GLIS3: variants seen among roughly 807,000 people sequenced by gnomAD.
The protein encoded by GLIS3 is zinc finger protein GLIS3.
GLIS3 carries 53 observed loss-of-function variants against 78.6 expected under a neutral mutation model. The ratio of observed to expected loss-of-function variants is 0.67; its 90% CI spans 0.54 to 0.85. The LOEUF is 0.85. Ranked by LOEUF, GLIS3 falls within the 40% of genes least tolerant of loss-of-function variation. The pLI, the probability that GLIS3 is intolerant of heterozygous loss-of-function variation, is 0.00. For missense variants in GLIS3, 1,703 were observed against 1,231.1 expected, an observed-to-expected ratio of 1.38 and a Z score of -5.74; for synonymous variants, 684 against 509.9, an observed-to-expected ratio of 1.34 and a Z score of -4.60.
intron 4 of GLIS3, among the ~76,000 whole-genome samples, chr9:4,084,226 G>A (rs923170491): frequency 3.4e-5 from 5 of 147,052 alleles, no homozygotes; most frequent in Admixed American, 2.8e-4. Flanking sequence ...CCAGCAATGT[G>A]TAATCTCTCT....
the GLIS3 span, among the ~76,000 whole-genome samples, chr9:4,383,736 AC>A: frequency 1.3e-5 from 2 of 152,232 alleles, no homozygotes; most frequent in Non-Finnish European, 2.9e-5. Flanking sequence ...CTCCATTTGA[AC>A]ATTTACTTCC....
At chr9:4,160,521 G>A (rs538984960) in intron 2 of GLIS3, among the ~76,000 whole-genome samples, 5 of 152,316 alleles carry the variant, frequency 3.3e-5, no homozygotes, top group African/African-American at 7.2e-5. Flanking sequence ...TGCGATACAG[G>A]CCTTACTGCC....
At chr9:4,012,165 A>G (rs1822069466) in intron 4 of GLIS3, among the ~76,000 whole-genome samples, 1 of 152,206 alleles carries the variant, frequency 6.6e-6, no homozygotes, top group African/African-American at 2.4e-5. Context: ...TTACCTCTTC[A>G]TACCTACTCA....
At chr9:4,159,337 A>T (rs1835294658) in intron 2 of GLIS3, among the ~76,000 whole-genome samples, 1 of 152,202 alleles carries the variant, frequency 6.6e-6, no homozygotes, top group African/African-American at 2.4e-5. Context: ...AATACGGATG[A>T]TCATGTTCTA....
chr9:4,385,178 G>A, the GLIS3 span, among the ~76,000 whole-genome samples: 1 of 152,200 alleles, frequency 6.6e-6, no homozygotes. Flanking sequence ...CAGTGTGCCT[G>A]CAGGACTGTT....
chr9:4,303,740 T>C (rs1163932452), upstream of GLIS3, among the ~76,000 whole-genome samples: 1 of 152,234 alleles, frequency 6.6e-6, no homozygotes, highest in East Asian at 1.9e-4. Flanking sequence ...TCCTTTTTTA[T>C]ACAAACCAAG....
At chr9:4,251,847 T>C (rs1824424021) in intron 2 of GLIS3, among the ~76,000 whole-genome samples, 1 of 152,232 alleles carries the variant, frequency 6.6e-6, no homozygotes, top group South Asian at 2.1e-4. Flanking sequence ...AGGATTTTAT[T>C]TCTCCTTCAC....
At chr9:3,945,315 T>C (rs1197955238) in intron 4 of GLIS3, among the ~76,000 whole-genome samples, 1 of 152,192 alleles carries the variant, frequency 6.6e-6, no homozygotes, top group East Asian at 1.9e-4. Context: ...ATAAAAGCAG[T>C]GCTCAGATGT....
the GLIS3 span, among the ~76,000 whole-genome samples, chr9:4,488,123 G>GGTTT: frequency 6.6e-6 from 1 of 151,800 alleles, no homozygotes; most frequent in Non-Finnish European, 1.5e-5. Context: ...TTGGTTGGTC[G>GGTTT]GTTTAGTTTT....
chr9:4,417,222 G>C, the GLIS3 span, among the ~76,000 whole-genome samples: 1 of 152,160 alleles, frequency 6.6e-6, no homozygotes, highest in African/African-American at 2.4e-5. Context: ...CAGTAGTTAA[G>C]TTTGTGATTT....
intron 2 of GLIS3, among the ~76,000 whole-genome samples, chr9:4,283,236 G>A (rs1057232916): frequency 1.3e-4 from 19 of 151,282 alleles, no homozygotes; most frequent in African/African-American, 4.1e-4. Flanking sequence ...TATCCCTACC[G>A]GAGTCCTTAC....
intron 4 of GLIS3, among the ~76,000 whole-genome samples, chr9:4,020,041 G>A (rs1822755308): frequency 6.6e-6 from 1 of 152,146 alleles, no homozygotes; most frequent in Admixed American, 6.5e-5. Flanking sequence ...ATGAGCCACT[G>A]CACCTAGCCT....
chr9:4,405,690 AGAG>A, the GLIS3 span, among the ~76,000 whole-genome samples: 1 of 152,158 alleles, frequency 6.6e-6, no homozygotes, highest in Non-Finnish European at 1.5e-5. Flanking sequence ...TCTGAAAAAT[AGAG>A]GAGAAAATAA....
chr9:3,854,588 G>C (rs1036265448), intron 9 of GLIS3, among the ~76,000 whole-genome samples: 2 of 151,512 alleles, frequency 1.3e-5, no homozygotes, highest in African/African-American at 4.8e-5. Context: ...CCTGGCTGGA[G>C]TACAGTGACG....
chr9:4,343,835 G>A (rs1243796181), intron 2 of GLIS3, among the ~76,000 whole-genome samples: 1 of 152,258 alleles, frequency 6.6e-6, no homozygotes, highest in Non-Finnish European at 1.5e-5. Flanking sequence ...AATACCACAT[G>A]TTCTCACTTA....
the GLIS3 span, among the ~76,000 whole-genome samples, chr9:4,410,807 G>A: frequency 6.6e-6 from 1 of 152,108 alleles, no homozygotes; most frequent in Non-Finnish European, 1.5e-5. Flanking sequence ...CTGAACAAAT[G>A]GGATATTTTA....
At chr9:4,356,562 C>G in the GLIS3 span, among the ~76,000 whole-genome samples, 2 of 152,210 alleles carry the variant, frequency 1.3e-5, no homozygotes, top group African/African-American at 4.8e-5. Flanking sequence ...TGATAAAATG[C>G]TATTTCTCAC....
At chr9:3,951,766 C>G (rs1051285030) in intron 4 of GLIS3, among the ~76,000 whole-genome samples, 1 of 150,484 alleles carries the variant, frequency 6.6e-6, no homozygotes, top group Non-Finnish European at 1.5e-5. Context: ...AAATCAAATT[C>G]AAACTTGAAA....
intron 9 of GLIS3, among the ~76,000 whole-genome samples, chr9:3,852,933 C>A (rs1046092668): frequency 6.6e-6 from 1 of 152,142 alleles, no homozygotes; most frequent in Admixed American, 6.6e-5. Context: ...TAGGGCCCAG[C>A]ACAGGTGACT....
Sources: gnomAD v4.1 joint callset for allele counts (sites outside exome capture counted in the v4.1 genomes callset) on GRCh38, gnomAD v4.1.1 for gene constraint, MANE v1.5 for transcripts, NCBI Gene and HGNC (gene_info 2026-07-23, HGNC 2026-07-21) for gene names.